Variants in ITSN1 observed in about 807,000 individuals in gnomAD.
ITSN1 encodes the protein intersectin-1.
Under a neutral mutation model 239.8 loss-of-function variants are expected in ITSN1, and 58 were observed. The ratio of observed to expected loss-of-function variants is 0.24; its 90% CI spans 0.20 to 0.30. The LOEUF is 0.30. Ranked by LOEUF, ITSN1 falls within the 10% of genes least tolerant of loss-of-function variation. The probability of loss-of-function intolerance (pLI) is 1.00; values close to 1 mark genes in which losing one functional copy is unlikely to be tolerated. For synonymous variants in ITSN1, 780 were observed against 770.8 expected (o/e 1.01, Z -0.20); for missense variants, 1,558 against 2,103.3 (o/e 0.74, Z 5.07).
chr21:33,799,691 A>G lies in ITSN1; in HGVS notation c.2183-117A>G, dbSNP rs558733509. ...TCAGAAATTCCTTGAATGGAGGGAA[A>G]TAGTTCAGAGGTTAAGATAGGCAAT... is the stretch of plus-strand genomic sequence containing the variant. On this transcript the variant is annotated intron_variant, in intron 18 of 39. Coordinates refer to ENST00000381318, the MANE Select transcript of ITSN1 (RefSeq NM_003024.3). 1.5e-5 allele frequency: 17 copies of G among 1,107,844 alleles called. No homozygotes were observed. In the South Asian group the frequency reaches 2.8e-4, roughly 18 times the overall value. The allele number at this position is 1,107,844 out of a possible 1,614,324, so 68.6% of individuals were successfully genotyped here. A position where few individuals can be genotyped will look rare whatever the true frequency, so the allele number is the denominator to read the frequency against.
intron 14 of ITSN1, among the ~76,000 whole-genome samples, chr21:33,777,021 A>G (rs1242570463): frequency 6.6e-6 from 1 of 151,962 alleles, no homozygotes; most frequent in African/African-American, 2.4e-5. Flanking sequence ...TTTCTTCTAG[A>G]AGTTTTTGGG....
In ITSN1 at chr21:33,766,812, G is replaced by GA. The variant is rs2068749962; in HGVS notation, c.926+802dup. On this transcript the variant is annotated intron_variant, in intron 10 of 39. Coordinates refer to ENST00000381318, the MANE Select transcript of ITSN1 (RefSeq NM_003024.3). ...GTGAAATCCCACAACTGCAACATTG[G>GA]AAGCTGATAATGAATGCGTAAAAAG... 3.3e-5 allele frequency among the ~76,000 whole-genome samples: 5 copies of GA among 152,354 alleles called. No homozygotes were observed. In the South Asian group the frequency reaches 1.0e-3, roughly 32 times the overall value.
Position 33,751,900 on chromosome 21 carries a change from T to C in ITSN1, c.617T>C (p.Val206Ala), listed in dbSNP as rs773234531. 4.3e-6 allele frequency: 7 copies of C among 1,610,574 alleles called. No homozygotes were observed. In the Admixed American group the frequency reaches 1.2e-4, roughly 27 times the overall value. Residue 206 changes from valine (V) to alanine (A), a missense_variant, in exon 7 of 40, where the codon GTG becomes GCG. By Grantham distance (64) the Val-to-Ala change is moderately conservative. Transcript: ENST00000381318. Reference protein sequence around the residue: ...TKLQKAQSFDVASVPPVAEWA... With the variant: ...TKLQKAQSFDAASVPPVAEWA... ...TTACAAAAGGCACAGTCATTTGATG[T>C]GGCCAGGTAAGTTTGCTTGTTTTTA...
chr21:33,694,370 CA>C (rs1191560208), intron 1 of ITSN1, among the ~76,000 whole-genome samples: 2 of 152,010 alleles, frequency 1.3e-5, no homozygotes, highest in African/African-American at 4.8e-5. Flanking sequence ...TGCTATTGAA[CA>C]GTTAAGATTA....
chr21:33,711,116 A>G (rs1295473084), intron 1 of ITSN1, among the ~76,000 whole-genome samples: 1 of 152,222 alleles, frequency 6.6e-6, no homozygotes, highest in East Asian at 1.9e-4. Context: ...TTTAATAAAT[A>G]TAAGAGTATT....
At chr21:33,685,637 A>T (rs1410936727) in intron 1 of ITSN1, among the ~76,000 whole-genome samples, 1 of 151,386 alleles carries the variant, frequency 6.6e-6, no homozygotes, top group Non-Finnish European at 1.5e-5. Flanking sequence ...AAAAAAAAAA[A>T]ATTCTCTTTT....
intron 29 of ITSN1, among the ~76,000 whole-genome samples, chr21:33,846,286 C>T (rs190468555): frequency 6.6e-5 from 10 of 152,294 alleles, no homozygotes; most frequent in African/African-American, 2.4e-4. Context: ...CTCCCGATTT[C>T]GCTGCCACCT....
At chr21:33,681,061 A>G (rs1333403799) in intron 1 of ITSN1, among the ~76,000 whole-genome samples, 2 of 152,198 alleles carry the variant, frequency 1.3e-5, no homozygotes, top group African/African-American at 4.8e-5. Flanking sequence ...ATTTCAACTC[A>G]TACTTCATTG....
chr21:33,817,036 A>G (rs925064177), intron 22 of ITSN1, among the ~76,000 whole-genome samples: 12 of 152,206 alleles, frequency 7.9e-5, no homozygotes, highest in African/African-American at 2.9e-4. Context: ...TAATGTCAGT[A>G]TAATATAAAT....
intron 29 of ITSN1, among the ~76,000 whole-genome samples, chr21:33,853,516 GAAGACTCAGAAGAGCTT>G (rs1366532177): frequency 6.6e-6 from 1 of 152,194 alleles, no homozygotes; most frequent in African/African-American, 2.4e-5. Context: ...TGTAAAACTT[GAAGACTCAGAAGAGCTT>G]CTGAAATCCA....
At chr21:33,887,658 C>T (rs937581517) in intron 39 of ITSN1, among the ~76,000 whole-genome samples, 2 of 151,970 alleles carry the variant, frequency 1.3e-5, no homozygotes, top group Non-Finnish European at 2.9e-5. Flanking sequence ...CAGGCTGGAG[C>T]ACAGTGGTGC....
chr21:33,689,581 T>C (rs555736076), intron 1 of ITSN1, among the ~76,000 whole-genome samples: 2 of 152,086 alleles, frequency 1.3e-5, no homozygotes, highest in East Asian at 1.9e-4. Flanking sequence ...GAGGCTAACA[T>C]GGGAGGATTG....
chr21:33,765,442 T>C (rs1466626999), intron 9 of ITSN1, among the ~76,000 whole-genome samples: 1 of 152,192 alleles, frequency 6.6e-6, no homozygotes, highest in Non-Finnish European at 1.5e-5. Flanking sequence ...TGGTGAACTA[T>C]GATCTTGACT....
At chr21:33,846,522 G>A (rs574424182) in intron 29 of ITSN1, among the ~76,000 whole-genome samples, 3 of 152,234 alleles carry the variant, frequency 2.0e-5, no homozygotes, top group Non-Finnish European at 4.4e-5. Flanking sequence ...CTTGCCTTGT[G>A]TAGTTGTCTT....
intron 1 of ITSN1, among the ~76,000 whole-genome samples, chr21:33,675,003 A>T (rs1486619913): frequency 6.6e-6 from 1 of 152,232 alleles, no homozygotes; most frequent in Non-Finnish European, 1.5e-5. Context: ...TTCCAGAAAC[A>T]ATACTGATAA....
rs71194863 is a variant in ITSN1, at chr21:33,730,388, C to CTTTTTTTT, written c.186-4635_186-4628dup. On this transcript the variant is annotated intron_variant, in intron 4 of 39. Coordinates refer to ENST00000381318, the MANE Select transcript of ITSN1 (RefSeq NM_003024.3). Reference sequence around the variant, plus strand: ...TAACCTGCTATAAATGCTCTCTGTTCTTTTTTTTTTTTTTTTTTTTTTTTT... The same window carrying CTTTTTTTT: ...TAACCTGCTATAAATGCTCTCTGTTCTTTTTTTTTTTTTTTTTTTTTTTTTTTTTTTTT... Among the ~76,000 whole-genome samples, 107 of 49,374 alleles carry CTTTTTTTT rather than the reference C, an allele frequency of 2.2e-3. 10 individuals are homozygous for CTTTTTTTT. The highest frequency in any genetic ancestry group is 2.6e-3 in the Non-Finnish European group (68 of 25,748). The allele number at this position is 49,374 out of a possible 152,430, so 32.4% of individuals were successfully genotyped here. A position where few individuals can be genotyped will look rare whatever the true frequency, so the allele number is the denominator to read the frequency against.
intron 1 of ITSN1, among the ~76,000 whole-genome samples, chr21:33,645,692 G>C (rs908146296): frequency 6.6e-6 from 1 of 152,062 alleles, no homozygotes; most frequent in South Asian, 2.1e-4. Flanking sequence ...AAATAAATAC[G>C]GGTTTCTGTC....
At chr21:33,862,087 C>T (rs542609410) in intron 31 of ITSN1, among the ~76,000 whole-genome samples, 52 of 143,902 alleles carry the variant, frequency 3.6e-4, no homozygotes, top group African/African-American at 1.3e-3. Flanking sequence ...TGCTTGAACC[C>T]GGTGGGGGCA....
intron 22 of ITSN1, among the ~76,000 whole-genome samples, chr21:33,814,791 CA>C (rs1045559364): frequency 3.9e-5 from 6 of 152,074 alleles, no homozygotes; most frequent in Admixed American, 1.3e-4. Flanking sequence ...TGCCACCAGT[CA>C]GGGGGCTGTT....
Sources: gnomAD v4.1 joint callset for allele counts (sites outside exome capture counted in the v4.1 genomes callset) on GRCh38, gnomAD v4.1.1 for gene constraint, MANE v1.5 for transcripts, NCBI Gene and HGNC (gene_info 2026-07-23, HGNC 2026-07-21) for gene names.